The following EPC2 variants were observed in gnomAD, a reference collection of about 807,000 sequenced individuals.
The protein encoded by EPC2 is enhancer of polycomb homolog 2.
A neutral mutation model predicts 92.1 loss-of-function variants in EPC2; 14 were observed. That is an observed-to-expected ratio of 0.15 (90% CI 0.10 to 0.24). EPC2 has a LOEUF of 0.24. Among genes scored for constraint, EPC2 ranks in the 10% least tolerant of loss-of-function variants. EPC2 has a pLI of 1.00. For missense variants in EPC2, 755 were observed against 971.5 expected (o/e 0.78, Z 2.96); for synonymous variants, 340 against 334.7 (o/e 1.02, Z -0.17).
chr2:148,775,650 T>TTTAAATAAAA (rs1240556670), intron 10 of EPC2, among the ~76,000 whole-genome samples: 6 of 42,776 alleles, frequency 1.4e-4, no homozygotes, highest in South Asian at 8.4e-4. Flanking sequence ...AAATAAAATC[T>TTTAAATAAAA]TTAAATAAAA....
chr2:148,703,442 GTT>G (rs10718225), intron 2 of EPC2, among the ~76,000 whole-genome samples: 6 of 151,682 alleles, frequency 4.0e-5, no homozygotes, highest in African/African-American at 1.2e-4. Context: ...CACCTGTTTG[GTT>G]TTTTTTTGTT....
chr2:148,763,183 A>G (rs1421140382), intron 6 of EPC2, among the ~76,000 whole-genome samples: 4 of 152,154 alleles, frequency 2.6e-5, no homozygotes, highest in Non-Finnish European at 5.9e-5. Context: ...GAAGGAATCA[A>G]CACCTCAAAG....
chr2:148,701,991 A>G (rs1467711408), intron 2 of EPC2, among the ~76,000 whole-genome samples: 2 of 152,014 alleles, frequency 1.3e-5, no homozygotes, highest in African/African-American at 2.4e-5. Flanking sequence ...TTATGGCCAT[A>G]TAGTTGTTCT....
At chr2:148,674,422 T>A (rs1681223275) in intron 1 of EPC2, among the ~76,000 whole-genome samples, 1 of 152,238 alleles carries the variant, frequency 6.6e-6, no homozygotes, top group African/African-American at 2.4e-5. Context: ...GAATATTGGA[T>A]GCATTTTCCA....
chr2:148,688,993 T>C (rs534442695), intron 1 of EPC2, among the ~76,000 whole-genome samples: 3 of 152,132 alleles, frequency 2.0e-5, no homozygotes, highest in Non-Finnish European at 4.4e-5. Context: ...GGAGGAGTAC[T>C]CTTTTAGATT....
At position 148,774,658 on chromosome 2, in the gene EPC2, A is replaced by G. The variant is rs897955677; in HGVS notation, c.1720+3271A>G. Among the ~76,000 whole-genome samples the G allele has an allele frequency of 7.4e-5, 11 of 149,542 alleles. No individual in the cohort carries two copies. In the Admixed American group the frequency reaches 7.4e-4, roughly 10 times the overall value. ...TATATATATGCATGTACTATTTGTT[A>G]TCTTTTATATACTTGAAGGAAAATT... On this transcript the variant is annotated intron_variant, in intron 10 of 13. Coordinates refer to ENST00000258484, the MANE Select transcript of EPC2 (RefSeq NM_015630.4).
chr2:148,698,495 G>T (rs1222429852), intron 2 of EPC2, among the ~76,000 whole-genome samples: 1 of 151,842 alleles, frequency 6.6e-6, no homozygotes. Flanking sequence ...AATTAGCCCG[G>T]TGTGGTGGTG....
chr2:148,737,449 T>C (rs1682780396), intron 2 of EPC2, among the ~76,000 whole-genome samples: 2 of 152,228 alleles, frequency 1.3e-5, no homozygotes, highest in East Asian at 3.9e-4. Flanking sequence ...TATTTATGGC[T>C]GAGGGGGTTG....
chr2:148,682,826 G>T (rs1464236830), intron 1 of EPC2, among the ~76,000 whole-genome samples: 1 of 152,040 alleles, frequency 6.6e-6, no homozygotes, highest in South Asian at 2.1e-4. Context: ...ATTTGAAAGG[G>T]TATTGCAAGA....
rs1386644066 is a variant in EPC2 at position 148,787,385 on chromosome 2, T to C, written c.*1008T>C. 6.6e-6 allele frequency: 1 copy of C among 152,636 alleles called. No homozygotes were observed. The highest frequency in any genetic ancestry group is 1.5e-5 in the Non-Finnish European group (1 of 68,032). The allele number at this position is 152,636 out of a possible 1,614,324, so 9.5% of individuals were successfully genotyped here. Reference sequence around the variant, plus strand: ...AGTAACGGGTTGGAAAAAGTCTGACTGTAAGCGTTGGACACCTTCATAGTG... The same window carrying C: ...AGTAACGGGTTGGAAAAAGTCTGACCGTAAGCGTTGGACACCTTCATAGTG... On this transcript the variant is annotated 3_prime_UTR_variant, in exon 14 of 14. Transcript: ENST00000258484.
intron 2 of EPC2, among the ~76,000 whole-genome samples, chr2:148,699,298 A>T (rs1199975105): frequency 1.3e-5 from 2 of 152,210 alleles, no homozygotes; most frequent in East Asian, 3.8e-4. Context: ...ACAGCTAATG[A>T]TGTTATTAAA....
At chr2:148,767,443 T>C (rs1379401812) in intron 7 of EPC2, among the ~76,000 whole-genome samples, 4 of 152,194 alleles carry the variant, frequency 2.6e-5, no homozygotes, top group Non-Finnish European at 5.9e-5. Context: ...TTGTTTGTAT[T>C]AGGTCTTAGA....
intron 2 of EPC2, among the ~76,000 whole-genome samples, chr2:148,715,437 C>T (rs780164501): frequency 2.0e-5 from 3 of 152,186 alleles, no homozygotes; most frequent in Non-Finnish European, 4.4e-5. Flanking sequence ...CAGTTTTCTG[C>T]ATATGGCTAG....
At chr2:148,785,258 G>A (rs568573705) in intron 13 of EPC2, among the ~76,000 whole-genome samples, 3 of 152,052 alleles carry the variant, frequency 2.0e-5, no homozygotes, top group Non-Finnish European at 4.4e-5. Flanking sequence ...GAAAGGAAAA[G>A]AAAGAAAAGG....
chr2:148,770,242 G>A (rs563696322), intron 8 of EPC2, among the ~76,000 whole-genome samples: 6 of 152,162 alleles, frequency 3.9e-5, no homozygotes, highest in African/African-American at 1.2e-4. Flanking sequence ...GTCTTGCTAC[G>A]TTGCCCAGGC....
At chr2:148,760,929 C>T (rs1022125834) in intron 4 of EPC2, among the ~76,000 whole-genome samples, 1 of 152,164 alleles carries the variant, frequency 6.6e-6, no homozygotes, top group Admixed American at 6.5e-5. Context: ...AAGTACAGTT[C>T]ACTCTGGATG....
chr2:148,694,489 G>A (rs936650468), intron 2 of EPC2, among the ~76,000 whole-genome samples: 1 of 152,142 alleles, frequency 6.6e-6, no homozygotes, highest in Admixed American at 6.5e-5. Flanking sequence ...CTTCAGTTGT[G>A]TGCCACATGC....
In EPC2 at chr2:148,645,099, C is replaced by G; in HGVS notation, c.82C>G (p.Leu28Val). Residue 28 changes from leucine to valine, a missense_variant, in exon 1 of 14, where the codon CTC becomes GTC. Leu to Val is a conservative substitution (Grantham distance 32, BLOSUM62 1). Transcript: ENST00000258484. ...CTACCGCGGCAAGGACATGCCTGAT[C>G]TCAACGACTGCGTCTCCATCAACCG... ...PIYRGKDMPD[L>V]NDCVSINRAV... 6.2e-7 allele frequency: 1 copy of G among 1,602,038 alleles called. No homozygotes were observed. Among genetic ancestry groups the G allele is most frequent in the Non-Finnish European group, 8.5e-7 (1 of 1,173,910 alleles).
chr2:148,674,348 G>A (rs923456179), intron 1 of EPC2, among the ~76,000 whole-genome samples: 1 of 152,150 alleles, frequency 6.6e-6, no homozygotes, highest in Non-Finnish European at 1.5e-5. Context: ...AAGTATGTTG[G>A]TTAAGTCAGT....
Sources: gnomAD v4.1 joint callset for allele counts (sites outside exome capture counted in the v4.1 genomes callset) on GRCh38, gnomAD v4.1.1 for gene constraint, MANE v1.5 for transcripts, NCBI Gene and HGNC (gene_info 2026-07-23, HGNC 2026-07-21) for gene names.